WDR25: variants seen among roughly 807,000 people sequenced by gnomAD.
WDR25 encodes the protein WD repeat domain 25.
In WDR25, 35 loss-of-function variants were observed where a neutral mutation model predicts 47.7. That is an observed-to-expected ratio of 0.73 (90% CI 0.56 to 0.97). The LOEUF (loss-of-function observed/expected upper bound fraction) is 0.97, where lower values mean the gene tolerates loss of function less well. WDR25 is among the 50% of genes least tolerant of loss of function. WDR25 has a pLI of 0.00. For synonymous variants in WDR25, 248 were observed against 278.9 expected, an observed-to-expected ratio of 0.89 and a Z score of 1.10; for missense variants, 634 against 704.7, an observed-to-expected ratio of 0.90 and a Z score of 1.14.
Position 100,402,222 on chromosome 14 carries a change from C to A in WDR25, c.822+20476C>A, listed in dbSNP as rs1052935369. Among the ~76,000 whole-genome samples the A allele has an allele frequency of 2.0e-5, 3 of 152,158 alleles. No individual in the cohort carries two copies. In the South Asian group the frequency reaches 6.2e-4, roughly 32 times the overall value. ...AGTGTCCTCTGTCAAAAGGTAGTGA[C>A]ATCTTCTCTCCTGATATGTGACGTC... On this transcript the variant is annotated intron_variant, in intron 2 of 6. Transcript: ENST00000402312.
chr14:100,494,658 C>A (rs1175235956), intron 4 of WDR25, among the ~76,000 whole-genome samples: 3 of 152,212 alleles, frequency 2.0e-5, no homozygotes, highest in African/African-American at 7.2e-5. Context: ...GTCCCCTCTC[C>A]CCTTTAAATA....
chr14:100,447,278 G>T (rs973964546), intron 2 of WDR25, among the ~76,000 whole-genome samples: 58 of 152,160 alleles, frequency 3.8e-4, no homozygotes, highest in African/African-American at 1.3e-3. Flanking sequence ...TTAGACTTGG[G>T]GATTGTTTCT....
rs536815872 is a variant in WDR25 at position 100,514,268 on chromosome 14, A to G, written c.1102-11602A>G. Among the ~76,000 whole-genome samples, 34 of 152,230 alleles carry G rather than the reference A, an allele frequency of 2.2e-4. No individual in the cohort carries two copies. The East Asian group carries it at 3.7e-3, about 16-fold the overall frequency. ...ACTTTTAACCTATTTGTATCTTTAT[A>G]TTTAAAGTTTGTTTATTTTAGGCAG... On this transcript the variant is annotated intron_variant, in intron 4 of 6. Coordinates refer to ENST00000402312, the MANE Select transcript of WDR25 (RefSeq NM_001161476.3).
At chr14:100,429,164 T>C (rs562621524) in intron 2 of WDR25, among the ~76,000 whole-genome samples, 2 of 152,222 alleles carry the variant, frequency 1.3e-5, no homozygotes, top group Non-Finnish European at 2.9e-5. Context: ...GTGCTCAAAG[T>C]GCTGAGTGAC....
At chr14:100,489,847 G>A (rs866091980) in intron 4 of WDR25, among the ~76,000 whole-genome samples, 8 of 152,172 alleles carry the variant, frequency 5.3e-5, no homozygotes, top group Non-Finnish European at 7.3e-5. Context: ...CTAAAACCCC[G>A]ATTCTCTGCT....
At chr14:100,493,297 C>G (rs1020812655) in intron 4 of WDR25, among the ~76,000 whole-genome samples, 2 of 152,180 alleles carry the variant, frequency 1.3e-5, no homozygotes, top group Non-Finnish European at 2.9e-5. Flanking sequence ...CCCCCCAGTG[C>G]CCCAGCCCCT....
At chr14:100,448,598 G>C (rs933715658) in intron 2 of WDR25, among the ~76,000 whole-genome samples, 1 of 152,144 alleles carries the variant, frequency 6.6e-6, no homozygotes, top group African/African-American at 2.4e-5. Flanking sequence ...AGAGGAGTGA[G>C]GGTCACTGCC....
intron 2 of WDR25, among the ~76,000 whole-genome samples, chr14:100,445,998 G>A (rs936934136): frequency 1.3e-5 from 2 of 152,198 alleles, no homozygotes; most frequent in African/African-American, 2.4e-5. Context: ...TAGATGAAAA[G>A]AGGGTTCAAC....
chr14:100,470,476 T>G (rs1899792068), intron 3 of WDR25, among the ~76,000 whole-genome samples: 1 of 150,960 alleles, frequency 6.6e-6, no homozygotes, highest in Non-Finnish European at 1.5e-5. Flanking sequence ...GTTAAACAAA[T>G]GCATGCAATT....
intron 2 of WDR25, among the ~76,000 whole-genome samples, chr14:100,450,923 A>G (rs1287226065): frequency 1.3e-5 from 2 of 152,220 alleles, no homozygotes; most frequent in Non-Finnish European, 2.9e-5. Flanking sequence ...GGCAGGTGTG[A>G]AAGAGCACCT....
In WDR25 at chr14:100,428,610, C is replaced by T. The variant is rs1898238513; in HGVS notation, c.823-39411C>T. 6.6e-6 allele frequency among the ~76,000 whole-genome samples: 1 copy of T among 152,178 alleles called. No homozygotes were observed. The highest frequency in any genetic ancestry group is 1.5e-5 in the Non-Finnish European group (1 of 68,032). ...CTGCTCCATGCTGTCCAGGAGAGTA[C>T]TGGGGCCTTGCCAGCGGAGCCCCCT... is the stretch of plus-strand genomic sequence containing the variant. On this transcript the variant is annotated intron_variant, in intron 2 of 6. Transcript: ENST00000402312. This position sits in a 1 kb window ranked among gnomAD's most constrained non-coding sequence, Gnocchi z 4.3.
intron 3 of WDR25, among the ~76,000 whole-genome samples, chr14:100,470,924 G>A (rs773652040): frequency 3.9e-5 from 6 of 152,166 alleles, no homozygotes; most frequent in African/African-American, 7.2e-5. Context: ...TAGGAATGGC[G>A]CTCACCACTG....
At chr14:100,422,694 C>T (rs913045949) in intron 2 of WDR25, among the ~76,000 whole-genome samples, 7 of 152,190 alleles carry the variant, frequency 4.6e-5, no homozygotes, top group East Asian at 1.9e-4. Context: ...GCGTACTGAG[C>T]GTTCCCATTT....
chr14:100,462,399 G>A lies in WDR25; in HGVS notation c.823-5622G>A, dbSNP rs1346655861. Among the ~76,000 whole-genome samples, 5 of 152,332 alleles carry A rather than the reference G, an allele frequency of 3.3e-5. No homozygotes were observed. In the East Asian group the frequency reaches 9.6e-4, roughly 29 times the overall value. ...TTGAAAAAAGCACGCACTTCAGTCT[G>A]CTGCAATGTTGGGGAATTAATCTTT... On this transcript the variant is annotated intron_variant, in intron 2 of 6. Transcript: ENST00000402312.
intron 2 of WDR25, among the ~76,000 whole-genome samples, chr14:100,386,832 G>A (rs1406979550): frequency 6.6e-6 from 1 of 152,110 alleles, no homozygotes; most frequent in East Asian, 1.9e-4. Flanking sequence ...GGCGGAGCTT[G>A]CAGTGAGCCC....
chr14:100,431,989 C>T (rs573172568), intron 2 of WDR25, among the ~76,000 whole-genome samples: 3 of 152,314 alleles, frequency 2.0e-5, no homozygotes, highest in South Asian at 2.1e-4. Flanking sequence ...GGATTACAGG[C>T]GTGAGCCACC....
Position 100,468,114 on chromosome 14 carries a change from C to T in WDR25, c.916C>T (p.Arg306Cys), listed in dbSNP as rs768269075. The change falls in exon 3 of 7, where the codon CGC becomes TGC. Residue 306 changes from arginine to cysteine, a missense_variant. Transcript: ENST00000402312. The surrounding 1 kb of genome is among the most constrained non-coding windows in gnomAD (Gnocchi z 4.5). ...CGCCCGGTGGGCTCCCTGTGGCCGG[C>T]GCATCCTCAGTGGTGGCTTTGACTT... Reference protein sequence around the residue: ...RAARWAPCGRRILSGGFDFAL... With the variant: ...RAARWAPCGRCILSGGFDFAL... The T allele has an allele frequency of 7.4e-6, 12 of 1,613,386 alleles. No individual in the cohort carries two copies. Among genetic ancestry groups the T allele is most frequent in the Middle Eastern group, 1.6e-4 (1 of 6,080 alleles).
chr14:100,395,517 G>A (rs866821233), intron 2 of WDR25, among the ~76,000 whole-genome samples: 7 of 152,190 alleles, frequency 4.6e-5, no homozygotes, highest in African/African-American at 1.7e-4. Flanking sequence ...TCCTAAGCAC[G>A]GGGCTGGCAT....
intron 2 of WDR25, among the ~76,000 whole-genome samples, chr14:100,389,852 C>T (rs1055363061): frequency 6.6e-6 from 1 of 152,170 alleles, no homozygotes; most frequent in Admixed American, 6.5e-5. Flanking sequence ...GAGCTCGGCC[C>T]CCCCATAGAA....
Sources: allele counts gnomAD v4.1 joint callset (sites outside exome capture counted in the v4.1 genomes callset), GRCh38; gene constraint gnomAD v4.1.1; non-coding constraint Gnocchi (gnomAD v3.1); transcripts MANE v1.5; gene names NCBI Gene and HGNC (gene_info 2026-07-23, HGNC 2026-07-21).